Variants in C1QTNF7 observed in about 807,000 individuals in gnomAD.
C1QTNF7 encodes C1q and TNF related 7.
In C1QTNF7, 15 loss-of-function variants were observed where a neutral mutation model predicts 19.6. The ratio of observed to expected loss-of-function variants is 0.76; its 90% confidence interval spans 0.51 to 1.18. The LOEUF (loss-of-function observed/expected upper bound fraction) is 1.18. Among genes scored for constraint, C1QTNF7 ranks in the 50% most tolerant of loss-of-function variants. The pLI, the probability that C1QTNF7 is intolerant of heterozygous loss-of-function variation, is 0.00. For missense variants in C1QTNF7, 324 were observed against 359.7 expected, an observed-to-expected ratio of 0.90 and a Z score of 0.80; for synonymous variants, 142 against 137.5, an observed-to-expected ratio of 1.03 and a Z score of -0.23.
In C1QTNF7 at chr4:15,444,121, T is replaced by A. The variant is rs1218254027; in HGVS notation, c.*1322T>A. 1.3e-5 allele frequency: 2 copies of A among 152,162 alleles called. No individual in the cohort carries two copies. The highest frequency in any genetic ancestry group is 4.8e-5 in the African/African-American group (2 of 41,384). The allele number at this position is 152,162 out of a possible 1,614,324, so 9.4% of individuals were successfully genotyped here. A position where few individuals can be genotyped will look rare whatever the true frequency, so the allele number is the denominator to read the frequency against. ...TATGGTTTATGGTAATAGTATTCCC[T>A]TTATCCCTCCCTTTTGGTAACTTCC... On this transcript the variant is annotated 3_prime_UTR_variant, in exon 3 of 3. Transcript: ENST00000444304.
At chr4:15,409,092 C>A (rs1719309921) in intron 1 of C1QTNF7, among the ~76,000 whole-genome samples, 1 of 152,210 alleles carries the variant, frequency 6.6e-6, no homozygotes, top group South Asian at 2.1e-4. Context: ...TTCAATTCCA[C>A]TTCTGCTCAA....
intron 1 of C1QTNF7, among the ~76,000 whole-genome samples, chr4:15,418,097 C>G (rs1313464840): frequency 6.6e-6 from 1 of 152,134 alleles, no homozygotes; most frequent in East Asian, 1.9e-4. Flanking sequence ...GAGGCTACAT[C>G]TTACCCATCA....
upstream of C1QTNF7, among the ~76,000 whole-genome samples, chr4:15,423,516 C>G (rs577127999): frequency 6.6e-6 from 1 of 152,186 alleles, no homozygotes; most frequent in Non-Finnish European, 1.5e-5. Flanking sequence ...GGTTGAAGTC[C>G]GCTTGAAAAG....
intron 1 of C1QTNF7, chr4:15,362,653 G>A (rs145611546): frequency 2.2e-3 from 336 of 152,224 alleles, no homozygotes; most frequent in African/African-American, 7.7e-3. Flanking sequence ...TGTAAGAAAC[G>A]TGTGATTATG....
At position 15,445,211 on chromosome 4, in the gene C1QTNF7, CACCTGCTT is replaced by C. The variant is rs1333705763; in HGVS notation, c.*2415_*2422del. 6.6e-6 allele frequency: 1 copy of C among 152,174 alleles called. No individual in the cohort carries two copies. Among genetic ancestry groups the C allele is most frequent in the African/African-American group, 2.4e-5 (1 of 41,416 alleles). 9.4% of individuals were successfully genotyped at this position (152,174 alleles called of 1,614,324 possible). The stretch of plus-strand genomic sequence containing the variant: ...GACAGCAAAGGTGGTTTGAGGTAGT[CACCTGCTT>C]ACAGATAACAGCCAAAGATAGAATT... On this transcript the variant is annotated 3_prime_UTR_variant, in exon 3 of 3. Transcript: ENST00000444304.
intron 1 of C1QTNF7, among the ~76,000 whole-genome samples, chr4:15,401,067 G>A (rs994220871): frequency 3.3e-5 from 5 of 152,194 alleles, no homozygotes; most frequent in South Asian, 2.1e-4. Context: ...ACTAGCGGGC[G>A]CACCCCAGTG....
At chr4:15,398,385 A>G (rs1013633351) in intron 1 of C1QTNF7, among the ~76,000 whole-genome samples, 1 of 136,420 alleles carries the variant, frequency 7.3e-6, no homozygotes, top group Non-Finnish European at 1.6e-5. Context: ...TCCCTGCCCC[A>G]TTGATGTCCA....
intron 1 of C1QTNF7, among the ~76,000 whole-genome samples, chr4:15,359,878 T>C (rs897472081): frequency 6.6e-6 from 1 of 152,134 alleles, no homozygotes; most frequent in Non-Finnish European, 1.5e-5. Flanking sequence ...CTTCACAGTG[T>C]GTGATAAACA....
chr4:15,344,616 C>A (rs1716652329), intron 1 of C1QTNF7, among the ~76,000 whole-genome samples: 1 of 152,230 alleles, frequency 6.6e-6, no homozygotes, highest in African/African-American at 2.4e-5. Context: ...GAAGATAACA[C>A]TCTAAGCACT....
At chr4:15,441,480 T>G (rs1407004555) in intron 2 of C1QTNF7, among the ~76,000 whole-genome samples, 2 of 152,228 alleles carry the variant, frequency 1.3e-5, no homozygotes, top group Non-Finnish European at 2.9e-5. Context: ...CTCTAGGGAT[T>G]TGCCTGGTTC....
At chr4:15,363,962 T>C (rs373849389) in intron 1 of C1QTNF7, among the ~76,000 whole-genome samples, 1 of 152,208 alleles carries the variant, frequency 6.6e-6, no homozygotes, top group African/African-American at 2.4e-5. Flanking sequence ...TGGCTTCAAA[T>C]GTTTTCTTCC....
intron 1 of C1QTNF7, among the ~76,000 whole-genome samples, chr4:15,421,367 G>A (rs1711751631): frequency 6.6e-6 from 1 of 152,098 alleles, no homozygotes; most frequent in Non-Finnish European, 1.5e-5. Context: ...CTGGCCTTCG[G>A]ATGGTTTTCA....
chr4:15,432,696 G>A (rs1030832633), intron 1 of C1QTNF7, among the ~76,000 whole-genome samples: 9 of 152,176 alleles, frequency 5.9e-5, no homozygotes, highest in African/African-American at 2.2e-4. Flanking sequence ...TGCCCAGCCT[G>A]TTCCTCAATT....
chr4:15,423,308 C>G (rs1711877155), upstream of C1QTNF7, among the ~76,000 whole-genome samples: 1 of 41,650 alleles, frequency 2.4e-5, no homozygotes, highest in African/African-American at 7.6e-5. Context: ...GAGTTGAGAT[C>G]CTGTCTTCGC....
chr4:15,349,968 G>C (rs985578985), intron 1 of C1QTNF7, among the ~76,000 whole-genome samples: 3 of 150,388 alleles, frequency 2.0e-5, no homozygotes, highest in Non-Finnish European at 2.9e-5. Context: ...AATACTGACA[G>C]AATCAAGCTA....
chr4:15,406,894 G>C (rs943606017), intron 1 of C1QTNF7, among the ~76,000 whole-genome samples: 6 of 152,020 alleles, frequency 3.9e-5, no homozygotes, highest in Non-Finnish European at 7.4e-5. Flanking sequence ...GGTTATTGCT[G>C]GGTGGTCTGA....
At chr4:15,401,276 G>A (rs6828721) in intron 1 of C1QTNF7, among the ~76,000 whole-genome samples, 54,385 of 151,946 alleles carry the variant, frequency 0.36, 10,033 homozygotes, top group East Asian at 0.55. Flanking sequence ...GGGGAGGAGC[G>A]ACCTTGCAGC....
chr4:15,431,202 T>C (rs1476664958), intron 1 of C1QTNF7, among the ~76,000 whole-genome samples: 5 of 152,204 alleles, frequency 3.3e-5, no homozygotes, highest in African/African-American at 1.2e-4. Context: ...ATCTATATGA[T>C]GGATTTTTTT....
chr4:15,340,229 A>G, intron 1 of C1QTNF7: 1 of 1,551,430 alleles, frequency 6.4e-7, no homozygotes, highest in South Asian at 1.2e-5. Context: ...TTTTCACTGC[A>G]GTTTTTCTCT....
Sources: gnomAD v4.1 joint callset for allele counts (sites outside exome capture counted in the v4.1 genomes callset) on GRCh38, gnomAD v4.1.1 for gene constraint, MANE v1.5 for transcripts, NCBI Gene and HGNC (gene_info 2026-07-23, HGNC 2026-07-21) for gene names.